Variants in TMEM232 observed in about 807,000 individuals in gnomAD.
The protein encoded by TMEM232 is transmembrane protein 232.
TMEM232 carries 80 observed loss-of-function variants against 78.8 expected under a neutral mutation model. The ratio of observed to expected loss-of-function variants is 1.01; its 90% confidence interval spans 0.85 to 1.22. The LOEUF is 1.22. TMEM232 is among the 50% of genes most tolerant of loss of function. The probability of loss-of-function intolerance (pLI) is 0.00; values close to 1 mark genes in which losing one functional copy is unlikely to be tolerated. For synonymous variants in TMEM232, 297 were observed against 254.3 expected, an observed-to-expected ratio of 1.17 and a Z score of -1.60; for missense variants, 881 against 742.2, an observed-to-expected ratio of 1.19 and a Z score of -2.17.
chr5:110,698,510 G>A (rs184241446), intron 1 of TMEM232, among the ~76,000 whole-genome samples: 1 of 151,940 alleles, frequency 6.6e-6, no homozygotes, highest in African/African-American at 2.4e-5. Context: ...TGGCATAGTC[G>A]GCAGAATTCC....
At chr5:110,541,537 A>G (rs1444514048) in intron 11 of TMEM232, among the ~76,000 whole-genome samples, 2 of 152,080 alleles carry the variant, frequency 1.3e-5, no homozygotes, top group South Asian at 2.1e-4. Flanking sequence ...TATCTCCCAA[A>G]TGACTCATGG....
intron 1 of TMEM232, among the ~76,000 whole-genome samples, chr5:110,694,751 A>G (rs968212710): frequency 1.3e-5 from 2 of 151,952 alleles, no homozygotes; most frequent in South Asian, 2.1e-4. Flanking sequence ...GCAAGAACTA[A>G]CTATCCTAAA....
intron 10 of TMEM232, among the ~76,000 whole-genome samples, chr5:110,583,566 G>T (rs1778442090): frequency 6.6e-6 from 1 of 151,720 alleles, no homozygotes; most frequent in South Asian, 2.1e-4. Flanking sequence ...TCTTAAAATT[G>T]GTTTTAGCAA....
chr5:110,535,204 A>G (rs1772157240), intron 11 of TMEM232, among the ~76,000 whole-genome samples: 1 of 151,996 alleles, frequency 6.6e-6, no homozygotes, highest in African/African-American at 2.4e-5. Flanking sequence ...GCCTTAACTG[A>G]TGACATTCCA....
intron 12 of TMEM232, among the ~76,000 whole-genome samples, chr5:110,498,095 T>G (rs1322289136): frequency 6.6e-6 from 1 of 152,116 alleles, no homozygotes; most frequent in Non-Finnish European, 1.5e-5. Flanking sequence ...ACTCTTCAAA[T>G]AAGCATGGGA....
chr5:110,615,191 T>A (rs1782770476), intron 8 of TMEM232, among the ~76,000 whole-genome samples: 1 of 151,922 alleles, frequency 6.6e-6, no homozygotes, highest in Admixed American at 6.6e-5. Flanking sequence ...CAAATACAAG[T>A]TAGAAAATAA....
intron 12 of TMEM232, among the ~76,000 whole-genome samples, chr5:110,458,850 C>A (rs1380622284): frequency 1.3e-5 from 2 of 152,104 alleles, no homozygotes; most frequent in African/African-American, 2.4e-5. Flanking sequence ...GATGCCGTTG[C>A]ATATAAAATA....
At chr5:110,597,626 A>G (rs1287751602) in intron 10 of TMEM232, among the ~76,000 whole-genome samples, 3 of 151,816 alleles carry the variant, frequency 2.0e-5, no homozygotes, top group Non-Finnish European at 2.9e-5. Flanking sequence ...CTACAAGGCT[A>G]CAGTAACCAA....
chr5:110,509,707 A>G (rs557219531), intron 12 of TMEM232, among the ~76,000 whole-genome samples: 1 of 152,128 alleles, frequency 6.6e-6, no homozygotes, highest in Admixed American at 6.6e-5. Flanking sequence ...GGTTTCTACT[A>G]TAAGTTCTTT....
chr5:110,473,571 C>T (rs1006300354), intron 12 of TMEM232, among the ~76,000 whole-genome samples: 3 of 149,912 alleles, frequency 2.0e-5, no homozygotes, highest in Non-Finnish European at 4.4e-5. Context: ...TATGTACTCT[C>T]AAAAATTAAA....
chr5:110,660,008 T>C (rs1789579020), intron 2 of TMEM232, among the ~76,000 whole-genome samples: 3 of 152,062 alleles, frequency 2.0e-5, no homozygotes, highest in African/African-American at 4.8e-5. Context: ...GCAATATATG[T>C]ATAAATAATA....
intron 12 of TMEM232, among the ~76,000 whole-genome samples, chr5:110,474,396 TAA>T (rs1321771403): frequency 6.6e-6 from 1 of 151,988 alleles, no homozygotes; most frequent in African/African-American, 2.4e-5. Flanking sequence ...GTTCTGTTTT[TAA>T]ACTCCAATTC....
At chr5:110,487,203 C>G (rs1764557672) in intron 12 of TMEM232, among the ~76,000 whole-genome samples, 1 of 151,984 alleles carries the variant, frequency 6.6e-6, no homozygotes, top group African/African-American at 2.4e-5. Context: ...GTTCTAGGAG[C>G]TTTCTGGAGG....
intron 3 of TMEM232, among the ~76,000 whole-genome samples, chr5:110,397,026 G>T (rs769248941): frequency 1.3e-5 from 2 of 152,150 alleles, no homozygotes; most frequent in Non-Finnish European, 2.9e-5. Flanking sequence ...GTCAGGTCAT[G>T]AGAGTATTCT....
At chr5:110,645,846 T>G (rs1414510805) in intron 2 of TMEM232, among the ~76,000 whole-genome samples, 1 of 151,588 alleles carries the variant, frequency 6.6e-6, no homozygotes. Context: ...TTAGAACTAA[T>G]AAATGAATTC....
upstream of TMEM232, among the ~76,000 whole-genome samples, chr5:110,730,866 A>G (rs995746763): frequency 3.9e-5 from 6 of 152,134 alleles, no homozygotes; most frequent in African/African-American, 1.4e-4. Flanking sequence ...ATGTCCTCAC[A>G]TTTAAAAACC....
intron 12 of TMEM232, among the ~76,000 whole-genome samples, chr5:110,427,693 G>A (rs144577978): frequency 6.6e-6 from 1 of 151,920 alleles, no homozygotes; most frequent in African/African-American, 2.4e-5. Flanking sequence ...ATTCCTTGCC[G>A]CTGTTAGCTT....
At position 110,666,928 on chromosome 5, in the gene TMEM232, T is replaced by C. The variant is rs76819126; in HGVS notation, c.125+300A>G. 8.3e-3 allele frequency: 1,610 copies of C among 195,038 alleles called. 26 individuals carry two copies. Among genetic ancestry groups the C allele is most frequent in the African/African-American group, 0.035 (1,499 of 42,670 alleles). The allele number at this position is 195,038 out of a possible 1,614,324, so 12.1% of individuals were successfully genotyped here. On this transcript the variant is annotated intron_variant, in intron 2 of 13. Coordinates refer to ENST00000455884, the MANE Select transcript of TMEM232 (RefSeq NM_001039763.4). ...GCTAAATTTGAAATAGCAAAGGTCT[T>C]AGAACTAAATAAAATGCTTCATGAT...
intron 6 of TMEM232, among the ~76,000 whole-genome samples, chr5:110,626,961 C>A (rs997649766): frequency 3.3e-5 from 5 of 151,998 alleles, no homozygotes; most frequent in Non-Finnish European, 5.9e-5. Flanking sequence ...TTAGTTTCTC[C>A]CTGCCCCTCG....
Sources: gnomAD v4.1 joint callset for allele counts (sites outside exome capture counted in the v4.1 genomes callset) on GRCh38, gnomAD v4.1.1 for gene constraint, MANE v1.5 for transcripts, NCBI Gene and HGNC (gene_info 2026-07-23, HGNC 2026-07-21) for gene names.